IQANK1: variants seen among roughly 807,000 people sequenced by gnomAD.
The protein encoded by IQANK1 is IQ motif and ankyrin repeat domain-containing protein 1.
In IQANK1, 30 loss-of-function variants were observed where a neutral mutation model predicts 22.6. That is an observed-to-expected ratio of 1.33 (90% confidence interval 0.99 to 1.80). IQANK1 has a LOEUF of 1.80. IQANK1 is among the 40% of genes most tolerant of loss of function. IQANK1 has a pLI of 0.00. For missense variants in IQANK1, 275 were observed against 235.2 expected (o/e 1.17, Z -1.11); for synonymous variants, 122 against 99.6 (o/e 1.23, Z -1.34).
chr8:143,774,273 G>T lies in IQANK1; in HGVS notation c.789+1791G>T, dbSNP rs73373151. On this transcript the variant is annotated intron_variant, in intron 7 of 13. Transcript: ENST00000527139. The surrounding 1 kb of genome is among the most constrained non-coding windows in gnomAD (Gnocchi z 4.2). The stretch of plus-strand genomic sequence containing the variant: ...CTGTCAAGAAGAAAAGAAGCCACAG[G>T]CAGGAGCAAACGTTTGTGAACCACG... Among the ~76,000 whole-genome samples, 10,812 of 152,088 alleles carry T rather than the reference G, an allele frequency of 0.071. 1,277 individuals are homozygous for T. The highest frequency in any genetic ancestry group is 0.24 in the African/African-American group (10,074 of 41,432).
chr8:143,770,274 T>G (rs1243142102), intron 3 of IQANK1, among the ~76,000 whole-genome samples: 1 of 152,236 alleles, frequency 6.6e-6, no homozygotes, highest in Admixed American at 6.5e-5. Context: ...TGTCTTAAGA[T>G]TCATTTCAGG....
chr8:143,778,978 G>C (rs1384869063), intron 7 of IQANK1, among the ~76,000 whole-genome samples: 1 of 152,172 alleles, frequency 6.6e-6, no homozygotes, highest in African/African-American at 2.4e-5. Context: ...ATGTTGGCCA[G>C]CTGGTTTCGA....
At chr8:143,748,766 T>TATATA (rs1819098492) in intron 3 of IQANK1, among the ~76,000 whole-genome samples, 1 of 98,864 alleles carries the variant, frequency 1.0e-5, no homozygotes, top group Admixed American at 1.4e-4. Context: ...TAAATATATA[T>TATATA]AATATATAAA....
At chr8:143,750,032 T>C (rs1483282932) in intron 3 of IQANK1, among the ~76,000 whole-genome samples, 1 of 151,916 alleles carries the variant, frequency 6.6e-6, no homozygotes, top group Non-Finnish European at 1.5e-5. Flanking sequence ...GAGGTGGAGT[T>C]TCGCTCTTGT....
chr8:143,740,872 C>A (rs1375312743), intron 3 of IQANK1, among the ~76,000 whole-genome samples: 1 of 152,198 alleles, frequency 6.6e-6, no homozygotes, highest in African/African-American at 2.4e-5. Flanking sequence ...CTCAGGGGTG[C>A]GGGAGCACCT....
intron 3 of IQANK1, among the ~76,000 whole-genome samples, chr8:143,750,414 G>A (rs889142363): frequency 6.6e-6 from 1 of 152,120 alleles, no homozygotes; most frequent in Admixed American, 6.6e-5. Flanking sequence ...CATTTTCAAT[G>A]TTTGTGTTTT....
intron 3 of IQANK1, among the ~76,000 whole-genome samples, chr8:143,751,752 T>G (rs1165729723): frequency 6.7e-6 from 1 of 149,766 alleles, no homozygotes; most frequent in African/African-American, 2.4e-5. Context: ...TTATTTCTTC[T>G]TAACAGCTTT....
chr8:143,750,073 C>T (rs541020402), intron 3 of IQANK1, among the ~76,000 whole-genome samples: 14 of 151,800 alleles, frequency 9.2e-5, no homozygotes, highest in Middle Eastern at 3.4e-3. Context: ...GGCACGTTCT[C>T]GGCTCACTGC....
At chr8:143,742,901 A>G (rs1818952796) in intron 3 of IQANK1, 2 of 456,072 alleles carry the variant, frequency 4.4e-6, no homozygotes, top group South Asian at 3.1e-5. Context: ...TTCTTGCTGG[A>G]CGGAGGCACA....
At chr8:143,783,417 CT>C (rs1294406890) in intron 7 of IQANK1, among the ~76,000 whole-genome samples, 1 of 151,900 alleles carries the variant, frequency 6.6e-6, no homozygotes, top group Non-Finnish European at 1.5e-5. Flanking sequence ...TTAGTGACCA[CT>C]TTTCTCTGGG....
At chr8:143,736,635 C>G (rs1266055812) in intron 2 of IQANK1, among the ~76,000 whole-genome samples, 1 of 152,154 alleles carries the variant, frequency 6.6e-6, no homozygotes, top group Non-Finnish European at 1.5e-5. Context: ...CATGTGTTCT[C>G]TGACTCTCTG....
chr8:143,734,623 G>A (rs73718151), intron 1 of IQANK1, among the ~76,000 whole-genome samples: 8,968 of 151,454 alleles, frequency 0.059, 544 homozygotes, highest in African/African-American at 0.16. Context: ...GCTGACATCC[G>A]CACACCTAGG....
chr8:143,782,212 G>A (rs1554631001), intron 7 of IQANK1, among the ~76,000 whole-genome samples: 1 of 152,090 alleles, frequency 6.6e-6, no homozygotes, highest in Non-Finnish European at 1.5e-5. Flanking sequence ...GGAGCTTTTG[G>A]GCTAAGACTA....
chr8:143,783,300 T>C (rs1161770794), intron 7 of IQANK1, among the ~76,000 whole-genome samples: 1 of 152,228 alleles, frequency 6.6e-6, no homozygotes, highest in Admixed American at 6.5e-5. Flanking sequence ...TGTGCCGTGG[T>C]GCCTCACTGC....
At position 143,742,117 on chromosome 8, in the gene IQANK1, C is replaced by G. The variant is rs1277850492; in HGVS notation, c.175+2169C>G. The G allele has an allele frequency of 1.7e-5, 6 of 344,382 alleles. No homozygotes were observed. The East Asian group carries it at 3.8e-4, about 22-fold the overall frequency. The allele number at this position is 344,382 out of a possible 1,614,324, so 21.3% of individuals were successfully genotyped here. A position where few individuals can be genotyped will look rare whatever the true frequency, so the allele number is the denominator to read the frequency against. On this transcript the variant is annotated intron_variant, in intron 3 of 13. Coordinates refer to ENST00000527139, the MANE Select transcript of IQANK1 (RefSeq NM_001381874.1). ...AGGATGCAGAACCTCCCTTTGAGCTCGGTGTTCCCTGCTCCTCACAGAGCC... is the reference window on the plus strand; with the variant it reads ...AGGATGCAGAACCTCCCTTTGAGCTGGGTGTTCCCTGCTCCTCACAGAGCC...
chr8:143,789,101 G>A (rs1343201580), intron 8 of IQANK1, 38 bp downstream of exon 8: 4 of 401,718 alleles, frequency 1.0e-5, no homozygotes, highest in African/African-American at 4.1e-5. Flanking sequence ...AGGGGTGCTG[G>A]CAAGGGGCGC....
intron 7 of IQANK1, among the ~76,000 whole-genome samples, chr8:143,786,228 C>T (rs1819886418): frequency 6.6e-6 from 1 of 152,112 alleles, no homozygotes; most frequent in Non-Finnish European, 1.5e-5. Context: ...TCTTTTTTCA[C>T]TGAGGATTTA....
intron 7 of IQANK1, among the ~76,000 whole-genome samples, chr8:143,775,526 C>T (rs144322284): frequency 0.015 from 2,262 of 151,950 alleles, 53 homozygotes; most frequent in African/African-American, 0.051. Context: ...TGTGGGAGGC[C>T]GAGGCGGGCA....
rs1554625622 is a variant in IQANK1 at position 143,736,000 on chromosome 8, A to G, written c.85+62A>G. 3 of 688,494 alleles carry G rather than the reference A, an allele frequency of 4.4e-6. No individual in the cohort carries two copies. The highest frequency in any genetic ancestry group is 2.7e-5 in the East Asian group (1 of 36,588). The allele number at this position is 688,494 out of a possible 1,614,324, so 42.6% of individuals were successfully genotyped here. On this transcript the variant is annotated intron_variant, in intron 2 of 13. Coordinates refer to ENST00000527139, the MANE Select transcript of IQANK1 (RefSeq NM_001381874.1). The surrounding 1 kb of genome is among the most constrained non-coding windows in gnomAD (Gnocchi z 5.2). ...CAGACACTGACCTGTGAGACCTTCT[A>G]TGTAGCCACCGAGAGACACCCCCTC...
Sources: allele counts gnomAD v4.1 joint callset (sites outside exome capture counted in the v4.1 genomes callset), GRCh38; gene constraint gnomAD v4.1.1; non-coding constraint Gnocchi (gnomAD v3.1); transcripts MANE v1.5; gene names NCBI Gene and HGNC (gene_info 2026-07-23, HGNC 2026-07-21).